The following UTP20 variants were observed in gnomAD, a reference collection of about 807,000 sequenced individuals.
The protein encoded by UTP20 is small subunit processome component 20 homolog.
UTP20 carries 164 observed loss-of-function variants against 329.5 expected under a neutral mutation model. The observed-to-expected ratio is 0.50, with a 90% CI of 0.44 to 0.57. UTP20 has a LOEUF of 0.57. Ranked by LOEUF, UTP20 falls within the 20% of genes least tolerant of loss-of-function variation. The probability of loss-of-function intolerance (pLI) is 0.00; values close to 1 mark genes in which losing one functional copy is unlikely to be tolerated. For missense variants in UTP20, 3,055 were observed against 3,284.2 expected, an observed-to-expected ratio of 0.93 and a Z score of 1.71; for synonymous variants, 1,151 against 1,159.3, an observed-to-expected ratio of 0.99 and a Z score of 0.14.
At chr12:101,355,140 C>T (rs554742113) in intron 41 of UTP20, 22 bp downstream of exon 41, 2 of 1,601,482 alleles carry the variant, frequency 1.2e-6, no homozygotes, top group East Asian at 4.5e-5. Context: ...ATTCGGGGTC[C>T]AGCAGGTCTG....
chr12:101,291,743 A>G lies in UTP20; in HGVS notation c.893A>G (p.Glu298Gly), dbSNP rs769309900. 6.5e-6 allele frequency: 10 copies of G among 1,541,384 alleles called. No homozygotes were observed. In the East Asian group the frequency reaches 2.3e-4, roughly 35 times the overall value. The change falls in exon 9 of 62, where the codon GAA becomes GGA. Residue 298 changes from glutamate to glycine, a missense_variant and splice_region_variant. Glu to Gly is a moderately conservative substitution (Grantham distance 98). This residue lies in a region of UTP20 where 2,445 missense variants were observed against 2,575.5 expected (regional missense o/e 0.95). Coordinates refer to ENST00000261637, the MANE Select transcript of UTP20 (RefSeq NM_014503.3). The part of the protein sequence containing the change: ...HFGTFFECLQ[E>G]SLLDLHTKVT... ...CTCTGTTAAATTCTTTGTTTGCAGG[A>G]ATCGCTCTTGGATCTACACACAAAA... is the stretch of plus-strand genomic sequence containing the variant.
At chr12:101,340,472 G>C (rs1869082737) in intron 31 of UTP20, 51 bp from the exon 32 acceptor site, 3 of 1,171,200 alleles carry the variant, frequency 2.6e-6, no homozygotes, top group Non-Finnish European at 2.5e-6. Flanking sequence ...TAACTTCTTA[G>C]AGAAATATCC....
chr12:101,283,747 G>A (rs563446943), intron 2 of UTP20, among the ~76,000 whole-genome samples: 37 of 152,120 alleles, frequency 2.4e-4, no homozygotes, highest in Non-Finnish European at 4.4e-4. Context: ...ATAGGATCTC[G>A]TGTTGTTGCC....
chr12:101,344,987 C>T (rs1869275249), intron 36 of UTP20, among the ~76,000 whole-genome samples: 1 of 127,258 alleles, frequency 7.9e-6, no homozygotes. Flanking sequence ...GCTCTGTTGC[C>T]CAGGCTGGAC....
At position 101,362,675 on chromosome 12, in the gene UTP20, G is replaced by T. The variant is rs564533883; in HGVS notation, c.5790+615G>T. On this transcript the variant is annotated intron_variant, in intron 44 of 61. Transcript: ENST00000261637. ...GCGCAGACCGCGCCACTGCACTTCA[G>T]CCTGGGCGACAGAGTGAGACTCTGT... Among the ~76,000 whole-genome samples, 15 of 133,216 alleles carry T rather than the reference G, an allele frequency of 1.1e-4. 1 individual carries two copies. Among genetic ancestry groups the T allele is most frequent in the Non-Finnish European group, 1.8e-4 (12 of 67,918 alleles). 87.4% of individuals were successfully genotyped at this position (133,216 alleles called of 152,430 possible). A position where few individuals can be genotyped will look rare whatever the true frequency, so the allele number is the denominator to read the frequency against.
intron 19 of UTP20, 81 bp downstream of exon 19, chr12:101,309,920 G>A: frequency 2.3e-6 from 3 of 1,324,032 alleles, no homozygotes; most frequent in Non-Finnish European, 3.2e-6. Flanking sequence ...CTCCTTCTGG[G>A]TGTGATTTAA....
intron 21 of UTP20, among the ~76,000 whole-genome samples, chr12:101,315,239 A>T (rs577743433): frequency 6.6e-6 from 1 of 152,256 alleles, no homozygotes; most frequent in Admixed American, 6.5e-5. Flanking sequence ...TAATCCCAGC[A>T]CTTTGGGGGG....
At chr12:101,301,135 C>T (rs1336086725) in intron 14 of UTP20, among the ~76,000 whole-genome samples, 1 of 152,188 alleles carries the variant, frequency 6.6e-6, no homozygotes, top group African/African-American at 2.4e-5. Context: ...CTTACCAGAT[C>T]TGACTTGCAG....
chr12:101,370,292 T>C (rs2121027018), intron 49 of UTP20, 140 bp from the exon 50 acceptor site: 1 of 1,033,592 alleles, frequency 9.7e-7, no homozygotes, highest in Middle Eastern at 2.3e-4. Context: ...CAAAATTTTT[T>C]CCAGAGTAAT....
intron 1 of UTP20, among the ~76,000 whole-genome samples, chr12:101,280,889 G>A (rs1871774993): frequency 1.3e-5 from 2 of 152,172 alleles, no homozygotes; most frequent in Admixed American, 1.3e-4. Context: ...GTCTGGCAAT[G>A]GAAATTTTAT....
chr12:101,298,149 A>G (rs1202137341), intron 12 of UTP20, among the ~76,000 whole-genome samples: 8 of 152,350 alleles, frequency 5.3e-5, no homozygotes, highest in Non-Finnish European at 1.0e-4. Context: ...CTGTCGTTTG[A>G]CAACTACTTA....
intron 2 of UTP20, among the ~76,000 whole-genome samples, chr12:101,282,869 A>T (rs142779385): frequency 6.6e-6 from 1 of 152,192 alleles, no homozygotes; most frequent in Non-Finnish European, 1.5e-5. Context: ...GATTCCAGAG[A>T]TGTTGAGGAA....
intron 43 of UTP20, among the ~76,000 whole-genome samples, chr12:101,359,465 C>CTGTG (rs368060911): frequency 0.048 from 7,115 of 148,066 alleles, 377 homozygotes; most frequent in African/African-American, 0.13. Flanking sequence ...GTTCCTGAGG[C>CTGTG]TGTGTGTGTG....
At chr12:101,294,066 C>T (rs1487393852) in intron 11 of UTP20, among the ~76,000 whole-genome samples, 1 of 151,872 alleles carries the variant, frequency 6.6e-6, no homozygotes, top group Non-Finnish European at 1.5e-5. Context: ...GACGGAGTCT[C>T]ACTCTGTCGC....
intron 28 of UTP20, among the ~76,000 whole-genome samples, chr12:101,334,055 T>C (rs932856363): frequency 6.6e-6 from 1 of 152,202 alleles, no homozygotes; most frequent in Non-Finnish European, 1.5e-5. Flanking sequence ...ATTACATACT[T>C]CCTATTTTGA....
chr12:101,312,822 A>G (rs56843989), intron 21 of UTP20, among the ~76,000 whole-genome samples: 7,123 of 152,284 alleles, frequency 0.047, 552 homozygotes, highest in African/African-American at 0.16. Flanking sequence ...ATAACAACTA[A>G]ACTAGTTTAG....
At chr12:101,352,448 A>G (rs1164164185) in intron 39 of UTP20, among the ~76,000 whole-genome samples, 1 of 152,148 alleles carries the variant, frequency 6.6e-6, no homozygotes, top group African/African-American at 2.4e-5. Flanking sequence ...TGGTATTTCT[A>G]GTTCTAGATC....
intron 44 of UTP20, among the ~76,000 whole-genome samples, chr12:101,362,264 G>A (rs1385101148): frequency 6.6e-6 from 1 of 152,156 alleles, no homozygotes; most frequent in African/African-American, 2.4e-5. Context: ...AAATTGATAT[G>A]ATCTTTCCGG....
rs1245248696 is a variant in UTP20 at position 101,346,492 on chromosome 12, A to G, written c.4788A>G (p.Gln1596=). ...RARALKKLAK[Q]LMEGKVVLSS... is the part of the protein sequence containing the mutation. ...GAGCCTTGAAGAAACTTGCAAAACA[A>G]CTAATGGAAGGCAAAGTTGTTCTGT... The change falls in exon 38 of 62, where the codon CAA becomes CAG. Residue 1596 remains glutamine, a synonymous_variant. Coordinates refer to ENST00000261637, the MANE Select transcript of UTP20 (RefSeq NM_014503.3). 16 of 1,610,228 alleles carry G rather than the reference A, an allele frequency of 9.9e-6. No homozygotes were observed. The highest frequency in any genetic ancestry group is 2.2e-5 in the South Asian group (2 of 90,106).
Sources: gnomAD v4.1 joint callset for allele counts (sites outside exome capture counted in the v4.1 genomes callset) on GRCh38, gnomAD v4.1.1 for gene constraint, gnomAD v4.1.1 regional missense constraint, MANE v1.5 for transcripts, NCBI Gene and HGNC (gene_info 2026-07-23, HGNC 2026-07-21) for gene names.